Variants in CTXND2 observed in about 807,000 individuals in gnomAD.
CTXND2 encodes cortexin domain containing 2.
intron 1 of CTXND2, among the ~76,000 whole-genome samples, chr1:150,895,028 C>T (rs375246991): frequency 1.3e-5 from 2 of 151,676 alleles, no homozygotes; most frequent in Admixed American, 6.6e-5. Context: ...GAGACTCCGT[C>T]CCCCTCAAAA....
At chr1:150,900,150 T>G (rs1397741424) in intron 1 of CTXND2, among the ~76,000 whole-genome samples, 3 of 152,134 alleles carry the variant, frequency 2.0e-5, no homozygotes, top group Non-Finnish European at 4.4e-5. Context: ...TCAATAAATC[T>G]TCCTGCTGCT....
chr1:150,900,032 GA>G (rs1668975449), intron 1 of CTXND2, among the ~76,000 whole-genome samples: 1 of 152,150 alleles, frequency 6.6e-6, no homozygotes, highest in Admixed American at 6.5e-5. Flanking sequence ...CAATCAGCAG[GA>G]CACGGGCAGG....
chr1:150,900,476 G>A (rs1256472530), intron 1 of CTXND2, among the ~76,000 whole-genome samples: 1 of 152,150 alleles, frequency 6.6e-6, no homozygotes, highest in African/African-American at 2.4e-5. Context: ...AAGTCAGTGA[G>A]ACCAAGAACT....
chr1:150,893,585 A>T (rs1052956251), intron 1 of CTXND2, among the ~76,000 whole-genome samples: 1 of 152,162 alleles, frequency 6.6e-6, no homozygotes, highest in Non-Finnish European at 1.5e-5. Flanking sequence ...CAGCCTCCTG[A>T]GTAGCTGGAA....
intron 1 of CTXND2, among the ~76,000 whole-genome samples, chr1:150,904,453 T>C (rs1669100304): frequency 6.6e-6 from 1 of 152,206 alleles, no homozygotes; most frequent in Non-Finnish European, 1.5e-5. Flanking sequence ...CTTCTAAAGA[T>C]ATGATTAGAC....
chr1:150,904,040 TAC>T, intron 1 of CTXND2: 1 of 655,852 alleles, frequency 1.5e-6, no homozygotes, highest in Non-Finnish European at 2.9e-6. Flanking sequence ...TGGATTCTCT[TAC>T]ACAGATGCCA....
intron 1 of CTXND2, chr1:150,904,360 A>G (rs1669098886): frequency 2.2e-5 from 7 of 323,012 alleles, no homozygotes; most frequent in South Asian, 1.9e-4. Flanking sequence ...TAAAACTAAG[A>G]CTGGCTTGTG....
intron 1 of CTXND2, among the ~76,000 whole-genome samples, chr1:150,899,988 TA>T (rs918695407): frequency 1.1e-4 from 17 of 151,904 alleles, no homozygotes; most frequent in African/African-American, 4.1e-4. Flanking sequence ...CAGCACTCTG[TA>T]AAATGGACCA....
In CTXND2 at chr1:150,905,143, C is replaced by CT. The variant is rs587675090; in HGVS notation, c.-73-7080dup. On this transcript the variant is annotated intron_variant, in intron 1 of 1. Coordinates refer to ENST00000636087, the Ensembl canonical transcript of CTXND2. Reference sequence around the variant, plus strand: ...AAGGAACTTGCAGAATCTGCCAATTCTTTTTTTTTTTTTTTTTTTAGGCCG... The same window carrying CT: ...AAGGAACTTGCAGAATCTGCCAATTCTTTTTTTTTTTTTTTTTTTTAGGCCG... 2.2e-3 allele frequency among the ~76,000 whole-genome samples: 248 copies of CT among 114,696 alleles called. 1 individual carries two copies. Among genetic ancestry groups the CT allele is most frequent in the African/African-American group, 4.6e-3 (144 of 31,484 alleles). 75.2% of individuals were successfully genotyped at this position (114,696 alleles called of 152,430 possible).
chr1:150,899,788 T>G (rs1668968065), intron 1 of CTXND2, among the ~76,000 whole-genome samples: 1 of 152,110 alleles, frequency 6.6e-6, no homozygotes, highest in Admixed American at 6.6e-5. Flanking sequence ...GAAACCTGTC[T>G]CTACTAAAAA....
chr1:150,910,611 G>A (rs1241946483), intron 1 of CTXND2, among the ~76,000 whole-genome samples: 1 of 149,912 alleles, frequency 6.7e-6, no homozygotes, highest in Admixed American at 6.6e-5. Context: ...AGATACATGG[G>A]TTTATTTCTG....
chr1:150,892,857 G>A (rs902181301), intron 1 of CTXND2, among the ~76,000 whole-genome samples: 4 of 151,976 alleles, frequency 2.6e-5, no homozygotes, highest in South Asian at 2.1e-4. Context: ...CTCTATCCTT[G>A]AGCCTTTGAG....
intron 1 of CTXND2, among the ~76,000 whole-genome samples, chr1:150,897,630 G>T (rs1668928287): frequency 6.6e-6 from 1 of 152,130 alleles, no homozygotes; most frequent in Non-Finnish European, 1.5e-5. Flanking sequence ...GCCTCCAAAA[G>T]GATATTAATA....
At chr1:150,909,336 C>T (rs1669208957) in intron 1 of CTXND2, among the ~76,000 whole-genome samples, 1 of 151,096 alleles carries the variant, frequency 6.6e-6, no homozygotes, top group African/African-American at 2.4e-5. Flanking sequence ...TCTCTTGAGC[C>T]CAGGAGTTTG....
intron 1 of CTXND2, among the ~76,000 whole-genome samples, chr1:150,900,865 C>T (rs1451650504): frequency 1.3e-5 from 2 of 152,164 alleles, no homozygotes; most frequent in Admixed American, 6.5e-5. Flanking sequence ...GGCATGGTGG[C>T]TCACGCCTGT....
intron 1 of CTXND2, among the ~76,000 whole-genome samples, chr1:150,899,872 G>A (rs1034918519): frequency 2.0e-5 from 3 of 152,148 alleles, no homozygotes; most frequent in African/African-American, 4.8e-5. Flanking sequence ...GGGACTTGGA[G>A]AACTTTTCTG....
Position 150,907,252 on chromosome 1 carries a change from A to G in CTXND2, c.-73-4990A>G, listed in dbSNP as rs587626633. Among the ~76,000 whole-genome samples the G allele has an allele frequency of 2.6e-5, 4 of 152,304 alleles. No individual in the cohort carries two copies. In the South Asian group the frequency reaches 8.3e-4, roughly 32 times the overall value. ...TGAATGGTTTTTAGCACATTCACAG[A>G]AATGTTTTACCATTACCACAGTTGT... On this transcript the variant is annotated intron_variant, in intron 1 of 1. Coordinates refer to ENST00000636087, the Ensembl canonical transcript of CTXND2.
rs587714237 is a variant in CTXND2, at chr1:150,908,691, T to C, written c.-73-3551T>C. Among the ~76,000 whole-genome samples, 12 of 152,012 alleles carry C rather than the reference T, an allele frequency of 7.9e-5. No homozygotes were observed. The South Asian group carries it at 2.1e-3, about 26-fold the overall frequency. On this transcript the variant is annotated intron_variant, in intron 1 of 1. Coordinates refer to ENST00000636087, the Ensembl canonical transcript of CTXND2. Reference sequence around the variant, plus strand: ...AGGCTGGAGTACAGTGGTGCGATCATAGCTCACTATAACCCTGAACTCCTG... The same window carrying C: ...AGGCTGGAGTACAGTGGTGCGATCACAGCTCACTATAACCCTGAACTCCTG...
intron 1 of CTXND2, among the ~76,000 whole-genome samples, chr1:150,908,506 A>G (rs779497499): frequency 2.0e-5 from 3 of 152,178 alleles, no homozygotes; most frequent in Non-Finnish European, 2.9e-5. Flanking sequence ...CCTGATGACT[A>G]ATTACGTTGA....
Sources: allele counts gnomAD v4.1 joint callset (sites outside exome capture counted in the v4.1 genomes callset), GRCh38; gene constraint gnomAD v4.1.1; transcripts MANE v1.5; gene names NCBI Gene and HGNC (gene_info 2026-07-23, HGNC 2026-07-21).